Variants in KICS2 observed in about 807,000 individuals in gnomAD.
KICS2 encodes the protein KICSTOR complex protein C12orf66.
A neutral mutation model predicts 31.4 loss-of-function variants in KICS2; 13 were observed. That is an observed-to-expected ratio of 0.41 (90% confidence interval 0.27 to 0.66). The LOEUF (loss-of-function observed/expected upper bound fraction) is 0.66, where lower values mean the gene tolerates loss of function less well. KICS2 is among the 30% of genes least tolerant of loss of function. The probability of loss-of-function intolerance (pLI) is 0.28; values close to 1 mark genes in which losing one functional copy is unlikely to be tolerated. For missense variants in KICS2, 455 were observed against 545.4 expected, an observed-to-expected ratio of 0.83 and a Z score of 1.65; for synonymous variants, 209 against 214.8, an observed-to-expected ratio of 0.97 and a Z score of 0.24.
At chr12:64,206,462 C>T (rs1464405708) in intron 2 of KICS2, among the ~76,000 whole-genome samples, 1 of 152,052 alleles carries the variant, frequency 6.6e-6, no homozygotes, top group African/African-American at 2.4e-5. Context: ...CCTTCCATGG[C>T]AGAAGGAGGT....
chr12:64,218,701 T>C (rs573854267), intron 1 of KICS2, among the ~76,000 whole-genome samples: 6 of 151,358 alleles, frequency 4.0e-5, no homozygotes, highest in African/African-American at 7.3e-5. Context: ...CTAGGACTTA[T>C]GGGAGAAAAA....
At chr12:64,210,832 A>T (rs946008788) in intron 2 of KICS2, among the ~76,000 whole-genome samples, 6 of 152,060 alleles carry the variant, frequency 3.9e-5, no homozygotes, top group Admixed American at 6.6e-5. Flanking sequence ...AATTAATACT[A>T]ATCAGTCCCA....
chr12:64,205,340 C>T (rs980260302), intron 2 of KICS2, among the ~76,000 whole-genome samples: 6 of 152,188 alleles, frequency 3.9e-5, no homozygotes, highest in South Asian at 2.1e-4. Context: ...AGCTATTTTT[C>T]AACCTCAAGA....
intron 2 of KICS2, 23 bp downstream of exon 2, chr12:64,215,655 C>T: frequency 6.3e-7 from 1 of 1,591,352 alleles, no homozygotes. Context: ...CACGCTTTCT[C>T]CCTCCCTCCT....
chr12:64,193,516 A>T lies in KICS2; in HGVS notation c.*326T>A. 1.1e-5 allele frequency: 12 copies of T among 1,071,042 alleles called. No individual in the cohort carries two copies. Among genetic ancestry groups the T allele is most frequent in the Non-Finnish European group, 1.2e-5 (11 of 885,038 alleles). The allele number at this position is 1,071,042 out of a possible 1,614,324, so 66.3% of individuals were successfully genotyped here. A position where few individuals can be genotyped will look rare whatever the true frequency, so the allele number is the denominator to read the frequency against. ...ATTGCAGTAGAACACAATGTTTAGAACAACAGAAAAACATATGGGAAAAAA... is the reference window on the plus strand; with the variant it reads ...ATTGCAGTAGAACACAATGTTTAGATCAACAGAAAAACATATGGGAAAAAA... On this transcript the variant is annotated 3_prime_UTR_variant, in exon 3 of 3. Transcript: ENST00000398055.
chr12:64,193,033 G>A lies in KICS2; in HGVS notation c.*809C>T. On this transcript the variant is annotated 3_prime_UTR_variant, in exon 3 of 3. Coordinates refer to ENST00000398055, the MANE Select transcript of KICS2 (RefSeq NM_152440.5). ...ATAACCAAGGAGTAGAGCCAAACAT[G>A]TACATTTCAGCAGAAAAGTGATAAA... is the stretch of plus-strand genomic sequence containing the variant. 1.0e-6 allele frequency: 1 copy of A among 985,458 alleles called. No homozygotes were observed. Among genetic ancestry groups the A allele is most frequent in the Non-Finnish European group, 1.2e-6 (1 of 829,932 alleles). 61.0% of individuals were successfully genotyped at this position (985,458 alleles called of 1,614,324 possible).
chr12:64,214,670 G>C (rs1360439123), intron 2 of KICS2, among the ~76,000 whole-genome samples: 1 of 151,784 alleles, frequency 6.6e-6, no homozygotes, highest in Non-Finnish European at 1.5e-5. Context: ...ACAAGGTCAG[G>C]AGTTCGAGAC....
Position 64,191,299 on chromosome 12 carries a change from C to G in KICS2, c.*2543G>C, listed in dbSNP as rs1045473627. 71 of 151,744 alleles carry G rather than the reference C, an allele frequency of 4.7e-4. No individual in the cohort carries two copies. The highest frequency in any genetic ancestry group is 1.5e-3 in the African/African-American group (63 of 41,072). The allele number at this position is 151,744 out of a possible 1,614,324, so 9.4% of individuals were successfully genotyped here. On this transcript the variant is annotated 3_prime_UTR_variant, in exon 3 of 3. Coordinates refer to ENST00000398055, the MANE Select transcript of KICS2 (RefSeq NM_152440.5). Reference sequence around the variant, plus strand: ...CTTCCAGTACAGTCTATGACAGCTGCACAGTAATACATATTGTCTTAGATT... The same window carrying G: ...CTTCCAGTACAGTCTATGACAGCTGGACAGTAATACATATTGTCTTAGATT...
At chr12:64,213,740 C>T (rs867829195) in intron 2 of KICS2, among the ~76,000 whole-genome samples, 30 of 152,166 alleles carry the variant, frequency 2.0e-4, no homozygotes, top group African/African-American at 5.1e-4. Flanking sequence ...AATCTTTACT[C>T]GAAAATCTGC....
chr12:64,187,642 G>C (rs1434558988), downstream of KICS2: 26 of 1,535,648 alleles, frequency 1.7e-5, no homozygotes, highest in Non-Finnish European at 2.3e-5. Flanking sequence ...AATTGCATTG[G>C]TAACAGGAAC....
chr12:64,187,161 A>C (rs1385835304), downstream of KICS2: 1 of 156,218 alleles, frequency 6.4e-6, no homozygotes, highest in East Asian at 1.9e-4. Flanking sequence ...CTAGGGACAA[A>C]GTTAGCAAAA....
At chr12:64,187,696 T>G (rs1309281194), downstream of KICS2, 4 of 1,498,434 alleles carry the variant, frequency 2.7e-6, no homozygotes, top group East Asian at 9.8e-5. Flanking sequence ...AAATTAAACC[T>G]ACAGGGCTTT....
At chr12:64,220,693 T>C (rs2037672981) in intron 1 of KICS2, among the ~76,000 whole-genome samples, 1 of 152,180 alleles carries the variant, frequency 6.6e-6, no homozygotes. Flanking sequence ...AACATATATC[T>C]GTATATATTA....
chr12:64,206,416 G>A (rs1163259906), intron 2 of KICS2, among the ~76,000 whole-genome samples: 3 of 152,136 alleles, frequency 2.0e-5, no homozygotes, highest in African/African-American at 7.2e-5. Flanking sequence ...ATACATTGAA[G>A]ATATAAAAAA....
Position 64,194,550 on chromosome 12 carries a change from G to A in KICS2, c.630C>T (p.Leu210=). The change falls in exon 3 of 3, where the codon CTC becomes CTT. Residue 210 remains leucine (L), a synonymous_variant. Coordinates refer to ENST00000398055, the MANE Select transcript of KICS2 (RefSeq NM_152440.5). ...AQAQVSEWKF[L]PSLVNLHSAH... is the part of the protein sequence containing the mutation. ...CACTGTGTAAATTAACCAGAGATGG[G>A]AGGAACTTCCACTCTGAGACCTGGG... The A allele has an allele frequency of 1.2e-6, 2 of 1,614,188 alleles. No homozygotes were observed. Among genetic ancestry groups the A allele is most frequent in the Non-Finnish European group, 1.7e-6 (2 of 1,180,040 alleles).
At chr12:64,208,436 T>C (rs2037558084) in intron 2 of KICS2, among the ~76,000 whole-genome samples, 1 of 152,238 alleles carries the variant, frequency 6.6e-6, no homozygotes. Context: ...GTCTTCACTA[T>C]TAAAATCTAA....
At chr12:64,220,033 AT>A (rs1262925509) in intron 1 of KICS2, among the ~76,000 whole-genome samples, 7 of 152,238 alleles carry the variant, frequency 4.6e-5, no homozygotes, top group Non-Finnish European at 1.0e-4. Flanking sequence ...ACCCAAAAAA[AT>A]GTGCAAAGAT....
intron 2 of KICS2, among the ~76,000 whole-genome samples, chr12:64,200,744 A>C (rs11175277): frequency 1.5e-3 from 49 of 33,616 alleles, no homozygotes; most frequent in African/African-American, 5.4e-3. Context: ...CAATGAACTC[A>C]AACAAATTTA....
chr12:64,214,821 C>T (rs1036674471), intron 2 of KICS2, among the ~76,000 whole-genome samples: 3 of 152,038 alleles, frequency 2.0e-5, no homozygotes, highest in Admixed American at 6.6e-5. Flanking sequence ...ATTACAGGCA[C>T]TTAGTGGATG....
Sources: gnomAD v4.1 joint callset for allele counts (sites outside exome capture counted in the v4.1 genomes callset) on GRCh38, gnomAD v4.1.1 for gene constraint, MANE v1.5 for transcripts, NCBI Gene and HGNC (gene_info 2026-07-23, HGNC 2026-07-21) for gene names.